The following RTKN2 variants were observed in gnomAD, a reference collection of about 807,000 sequenced individuals.
The protein encoded by RTKN2 is rhotekin 2.
A neutral mutation model predicts 71.5 loss-of-function variants in RTKN2; 69 were observed. The observed-to-expected ratio is 0.96, with a 90% CI of 0.79 to 1.18. The LOEUF is 1.18. RTKN2 is among the 50% of genes most tolerant of loss of function. RTKN2 has a pLI of 0.00. For missense variants in RTKN2, 724 were observed against 719.7 expected, an observed-to-expected ratio of 1.01 and a Z score of -0.07; for synonymous variants, 236 against 236.5, an observed-to-expected ratio of 1.00 and a Z score of 0.02.
intron 2 of RTKN2, among the ~76,000 whole-genome samples, chr10:62,252,123 T>C (rs913620389): frequency 6.6e-6 from 1 of 152,006 alleles, no homozygotes; most frequent in African/African-American, 2.4e-5. Flanking sequence ...AATCTACATA[T>C]CAAAAGAGCC....
Position 62,263,577 on chromosome 10 carries a change from G to A in RTKN2, c.61-756C>T, listed in dbSNP as rs1842816309. On this transcript the variant is annotated intron_variant, in intron 1 of 11. Coordinates refer to ENST00000373789, the MANE Select transcript of RTKN2 (RefSeq NM_145307.4). ...ATACATTGTATTAAGAGATGGCAGT[G>A]TGGTTGATGACAGTGAATTAACCAA... is the stretch of plus-strand genomic sequence containing the variant. 2.0e-5 allele frequency among the ~76,000 whole-genome samples: 3 copies of A among 152,162 alleles called. No homozygotes were observed. In the South Asian group the frequency reaches 6.2e-4, roughly 32 times the overall value.
intron 8 of RTKN2, among the ~76,000 whole-genome samples, chr10:62,186,148 G>A (rs1269114747): frequency 2.0e-5 from 3 of 152,206 alleles, no homozygotes; most frequent in African/African-American, 7.2e-5. Context: ...GCCTTTGTTT[G>A]CTCCATGCCT....
At chr10:62,255,940 G>A (rs1265381836) in intron 2 of RTKN2, among the ~76,000 whole-genome samples, 1 of 151,922 alleles carries the variant, frequency 6.6e-6, no homozygotes, top group Non-Finnish European at 1.5e-5. Context: ...TATGAGAAAA[G>A]GTTCAATGAT....
At chr10:62,242,949 A>C (rs1318572138) in intron 3 of RTKN2, among the ~76,000 whole-genome samples, 1 of 152,102 alleles carries the variant, frequency 6.6e-6, no homozygotes, top group Non-Finnish European at 1.5e-5. Context: ...ATTATCTTCA[A>C]ACAGTATTCA....
chr10:62,221,343 T>C (rs1841901920), intron 7 of RTKN2, among the ~76,000 whole-genome samples: 1 of 151,682 alleles, frequency 6.6e-6, no homozygotes, highest in Admixed American at 6.6e-5. Flanking sequence ...CAAGGAAAAA[T>C]TGCCTTAAAA....
At chr10:62,206,041 T>G (rs966600513) in intron 9 of RTKN2, among the ~76,000 whole-genome samples, 2 of 152,172 alleles carry the variant, frequency 1.3e-5, no homozygotes, top group Non-Finnish European at 2.9e-5. Context: ...GAAATTAATT[T>G]AACGATGTAT....
intron 2 of RTKN2, among the ~76,000 whole-genome samples, chr10:62,249,887 T>C (rs1211175509): frequency 6.6e-6 from 1 of 152,230 alleles, no homozygotes; most frequent in Non-Finnish European, 1.5e-5. Context: ...ACTAAACCAT[T>C]TGTTAAAGTG....
At chr10:62,223,783 G>A (rs886553532) in intron 6 of RTKN2, among the ~76,000 whole-genome samples, 2 of 152,116 alleles carry the variant, frequency 1.3e-5, no homozygotes, top group Admixed American at 6.6e-5. Flanking sequence ...CAAAAAATAA[G>A]AAATAAAATT....
At chr10:62,267,617 T>C (rs1177834077) in intron 1 of RTKN2, among the ~76,000 whole-genome samples, 1 of 152,264 alleles carries the variant, frequency 6.6e-6, no homozygotes, top group African/African-American at 2.4e-5. Flanking sequence ...CACAGTATTA[T>C]TGAAAACTAA....
intron 9 of RTKN2, among the ~76,000 whole-genome samples, chr10:62,207,927 A>G (rs1448096663): frequency 2.6e-5 from 4 of 152,158 alleles, no homozygotes; most frequent in Non-Finnish European, 5.9e-5. Context: ...CAAAACTTCA[A>G]TTACCTAGGA....
chr10:62,199,288 T>C (rs1004476970), intron 11 of RTKN2, among the ~76,000 whole-genome samples: 40 of 152,206 alleles, frequency 2.6e-4, no homozygotes, highest in African/African-American at 9.6e-4. Context: ...TCTAGAAATT[T>C]AAAATTTTCC....
intron 6 of RTKN2, among the ~76,000 whole-genome samples, chr10:62,224,078 T>C (rs1344317772): frequency 2.0e-5 from 3 of 151,980 alleles, no homozygotes; most frequent in Non-Finnish European, 4.4e-5. Flanking sequence ...TTATGCTAAG[T>C]GAAATAAGCC....
At position 62,198,209 on chromosome 10, in the gene RTKN2, T is replaced by C. The variant is rs759776401; in HGVS notation, c.1529A>G (p.Asp510Gly). Residue 510 changes from aspartate (D) to glycine (G), a missense_variant, in exon 12 of 12, where the codon GAT becomes GGT. Coordinates refer to ENST00000373789, the MANE Select transcript of RTKN2 (RefSeq NM_145307.4). The stretch of plus-strand genomic sequence containing the variant: ...TGATTTTAAGCTGAATGGAAGTTTA[T>C]CAGAAGGAGGAAGGGGAGCTTGTCT... ...KKRQAPLPPS[D>G]KLPFSLKSQS... 2 of 1,614,070 alleles carry C rather than the reference T, an allele frequency of 1.2e-6. No individual in the cohort carries two copies. Among genetic ancestry groups the C allele is most frequent in the Admixed American group, 1.7e-5 (1 of 60,014 alleles).
At chr10:62,239,875 A>T in intron 4 of RTKN2, 110 bp from the exon 5 acceptor site, 1 of 647,654 alleles carries the variant, frequency 1.5e-6, no homozygotes, top group South Asian at 1.8e-5. Flanking sequence ...TTCTTTTCAT[A>T]CATTGTATAC....
At chr10:62,218,322 A>G in intron 7 of RTKN2, 21 bp from the exon 8 acceptor site, 4 of 1,430,156 alleles carry the variant, frequency 2.8e-6, no homozygotes, top group Non-Finnish European at 3.9e-6. Flanking sequence ...GAGAAAGAAA[A>G]AAAAAAATCA....
chr10:62,223,968 GTGTGTA>G lies in RTKN2; in HGVS notation c.687-642_687-637del, dbSNP rs895573599. 4.9e-4 allele frequency among the ~76,000 whole-genome samples: 32 copies of G among 65,900 alleles called. 1 individual carries two copies. Among genetic ancestry groups the G allele is most frequent in the Admixed American group, 3.2e-3 (19 of 5,974 alleles). 43.2% of individuals were successfully genotyped at this position (65,900 alleles called of 152,430 possible). ...CAAAATGTGGGGTAGGTGTGTGTGT[GTGTGTA>G]TATATACACATACATATGCATAATG... On this transcript the variant is annotated intron_variant, in intron 6 of 11. Transcript: ENST00000373789.
At chr10:62,223,681 T>A (rs1192616904) in intron 6 of RTKN2, among the ~76,000 whole-genome samples, 1 of 152,186 alleles carries the variant, frequency 6.6e-6, no homozygotes, top group African/African-American at 2.4e-5. Flanking sequence ...TAACACATGT[T>A]AGCTGGTATG....
chr10:62,261,350 T>C (rs1842770957), intron 2 of RTKN2, among the ~76,000 whole-genome samples: 1 of 152,102 alleles, frequency 6.6e-6, no homozygotes, highest in South Asian at 2.1e-4. Flanking sequence ...GAGATTAAAA[T>C]AGCTATCCCG....
At chr10:62,190,860 T>TGC (rs1841211091), downstream of RTKN2, among the ~76,000 whole-genome samples, 1 of 152,138 alleles carries the variant, frequency 6.6e-6, no homozygotes, top group Non-Finnish European at 1.5e-5. Context: ...TCTCACCTAC[T>TGC]GCCACATTTG....
Sources: allele counts gnomAD v4.1 joint callset (sites outside exome capture counted in the v4.1 genomes callset), GRCh38; gene constraint gnomAD v4.1.1; transcripts MANE v1.5; gene names NCBI Gene and HGNC (gene_info 2026-07-23, HGNC 2026-07-21).